The following ERG variants were observed in gnomAD, a reference collection of about 807,000 sequenced individuals.
ERG encodes ETS transcription factor ERG, also known as transcriptional regulator ERG.
Under a neutral mutation model 55.3 loss-of-function variants are expected in ERG, and 9 were observed. That is an observed-to-expected ratio of 0.16 (90% confidence interval 0.10 to 0.28). The LOEUF (loss-of-function observed/expected upper bound fraction) is 0.28, where lower values mean the gene tolerates loss of function less well. ERG is among the 10% of genes least tolerant of loss of function. ERG has a pLI of 1.00. For missense variants in ERG, 434 were observed against 631.6 expected, an observed-to-expected ratio of 0.69 and a Z score of 3.35; for synonymous variants, 223 against 237.3, an observed-to-expected ratio of 0.94 and a Z score of 0.55.
intron 1 of ERG, among the ~76,000 whole-genome samples, chr21:38,640,866 G>A (rs973093365): frequency 6.6e-6 from 1 of 152,134 alleles, no homozygotes; most frequent in African/African-American, 2.4e-5. Flanking sequence ...CTAGGAAAGG[G>A]GGCTCTCTGG....
intron 2 of ERG, among the ~76,000 whole-genome samples, chr21:38,551,002 G>C (rs11088433): frequency 0.035 from 5,267 of 152,228 alleles, 209 homozygotes; most frequent in East Asian, 0.12. Context: ...TGGAAAGTAA[G>C]TTATTCAATA....
chr21:38,423,457 G>A lies in ERG; in HGVS notation c.341C>T (p.Pro114Leu). ...CTCGTTCGTGGTCATGTTTGGGGGTGGCATGTGCTTCTCCTCCATGTAGCT... is the reference window on the plus strand; with the variant it reads ...CTCGTTCGTGGTCATGTTTGGGGGTAGCATGTGCTTCTCCTCCATGTAGCT... ...YGSYMEEKHM[P>L]PPNMTTNERR... is the part of the protein sequence containing the mutation. The change falls in exon 3 of 10, where the codon CCA (proline) becomes CTA (leucine). Residue 114 changes from proline to leucine, a missense_variant. Around this residue, in one of 5 missense-constraint regions of ERG, gnomAD observed 212 missense variants for 262.9 expected, o/e 0.81. Coordinates refer to ENST00000288319, the MANE Select transcript of ERG (RefSeq NM_182918.4). 1 of 1,614,124 alleles carries A rather than the reference G, an allele frequency of 6.2e-7. No individual in the cohort carries two copies. The highest frequency in any genetic ancestry group is 8.5e-7 in the Non-Finnish European group (1 of 1,180,004).
intron 1 of ERG, among the ~76,000 whole-genome samples, chr21:38,491,962 G>A (rs1331680879): frequency 7.5e-6 from 1 of 133,860 alleles, no homozygotes; most frequent in Non-Finnish European, 1.8e-5. Flanking sequence ...TATAAGAATT[G>A]CTGCCTATGG....
At chr21:38,475,265 A>G (rs1206607998) in intron 1 of ERG, among the ~76,000 whole-genome samples, 1 of 152,196 alleles carries the variant, frequency 6.6e-6, no homozygotes, top group Non-Finnish European at 1.5e-5. Context: ...AGGGAAGGGA[A>G]GCTAAATAAT....
chr21:38,389,569 G>A (rs1192081745), intron 9 of ERG, among the ~76,000 whole-genome samples: 1 of 151,038 alleles, frequency 6.6e-6, no homozygotes, highest in African/African-American at 2.4e-5. Context: ...ATGGTTATAT[G>A]GCAGAGTTGC....
chr21:38,409,708 A>G (rs1410922961), intron 3 of ERG, among the ~76,000 whole-genome samples: 1 of 152,132 alleles, frequency 6.6e-6, no homozygotes, highest in Non-Finnish European at 1.5e-5. Context: ...CATGTTTAAG[A>G]AAAAGGGAGA....
At chr21:38,614,092 A>T (rs1205419598) in intron 1 of ERG, among the ~76,000 whole-genome samples, 1 of 152,208 alleles carries the variant, frequency 6.6e-6, no homozygotes, top group Non-Finnish European at 1.5e-5. Context: ...CTCAGGCTTC[A>T]TATGCAATGG....
intron 9 of ERG, among the ~76,000 whole-genome samples, chr21:38,390,286 G>A (rs1200600032): frequency 1.3e-5 from 2 of 152,188 alleles, no homozygotes; most frequent in Non-Finnish European, 2.9e-5. Flanking sequence ...ACAGACCATC[G>A]AAGATGAGCC....
At chr21:38,505,478 C>A (rs983394041) in intron 2 of ERG, among the ~76,000 whole-genome samples, 1 of 152,174 alleles carries the variant, frequency 6.6e-6, no homozygotes, top group Non-Finnish European at 1.5e-5. Flanking sequence ...TGTGTTAAAT[C>A]CCGTTAAATG....
chr21:38,508,337 C>T (rs2146718308), intron 2 of ERG, among the ~76,000 whole-genome samples: 1 of 152,002 alleles, frequency 6.6e-6, no homozygotes, highest in East Asian at 1.9e-4. Context: ...AAATCTGTAT[C>T]TTATGGGATT....
chr21:38,429,783 T>G (rs1990120085), intron 2 of ERG, among the ~76,000 whole-genome samples: 1 of 151,644 alleles, frequency 6.6e-6, no homozygotes. Context: ...CTTTATCCAC[T>G]CATTGGTTGA....
intron 2 of ERG, among the ~76,000 whole-genome samples, chr21:38,432,636 C>T (rs190752068): frequency 1.1e-4 from 17 of 152,292 alleles, no homozygotes; most frequent in African/African-American, 2.9e-4. Flanking sequence ...ATGACCACGC[C>T]AGGTGTCAGC....
intron 1 of ERG, among the ~76,000 whole-genome samples, chr21:38,497,506 A>G (rs1367373140): frequency 6.6e-6 from 1 of 152,200 alleles, no homozygotes; most frequent in Non-Finnish European, 1.5e-5. Context: ...CCCATTCAAG[A>G]CTGCATGCCC....
At chr21:38,520,142 G>A (rs1462048925) in intron 2 of ERG, among the ~76,000 whole-genome samples, 2 of 152,164 alleles carry the variant, frequency 1.3e-5, no homozygotes, top group Non-Finnish European at 2.9e-5. Context: ...GGGGAGAAGG[G>A]ATAACCTTGC....
chr21:38,596,718 C>T (rs935914639), intron 1 of ERG, among the ~76,000 whole-genome samples: 6 of 152,158 alleles, frequency 3.9e-5, no homozygotes, highest in African/African-American at 9.7e-5. Flanking sequence ...GTTTTGGCAA[C>T]GAGTCTCTGA....
At chr21:38,508,960 C>T (rs962200676) in intron 2 of ERG, among the ~76,000 whole-genome samples, 1 of 152,146 alleles carries the variant, frequency 6.6e-6, no homozygotes, top group African/African-American at 2.4e-5. Flanking sequence ...AGCCATGTGA[C>T]GAGGCCATTT....
intron 1 of ERG, among the ~76,000 whole-genome samples, chr21:38,466,300 G>GGGGTGT (rs1555903683): frequency 0.027 from 3,802 of 140,652 alleles, 111 homozygotes; most frequent in East Asian, 0.08. Flanking sequence ...GATGGTCTGG[G>GGGGTGT]GTGTGTGTGT....
At chr21:38,472,561 G>A (rs777560625) in intron 1 of ERG, among the ~76,000 whole-genome samples, 4 of 152,142 alleles carry the variant, frequency 2.6e-5, no homozygotes, top group Non-Finnish European at 5.9e-5. Context: ...AGAGTGGTGA[G>A]GCTCCCACGT....
chr21:38,428,775 T>C (rs2836386), intron 2 of ERG, among the ~76,000 whole-genome samples: 58,191 of 152,088 alleles, frequency 0.38, 11,599 homozygotes, highest in Middle Eastern at 0.46. Context: ...ATTTAGTAAA[T>C]ATTAAATGTA....
Sources: gnomAD v4.1 joint callset for allele counts (sites outside exome capture counted in the v4.1 genomes callset) on GRCh38, gnomAD v4.1.1 for gene constraint, gnomAD v4.1.1 regional missense constraint, MANE v1.5 for transcripts, NCBI Gene and HGNC (gene_info 2026-07-23, HGNC 2026-07-21) for gene names.